HTT: variants seen among roughly 807,000 people sequenced by gnomAD.
HTT encodes the protein huntingtin.
Under a neutral mutation model 362.3 loss-of-function variants are expected in HTT, and 104 were observed. The observed-to-expected ratio is 0.29, with a 90% confidence interval of 0.24 to 0.34. The LOEUF (loss-of-function observed/expected upper bound fraction) is 0.34. Ranked by LOEUF, HTT falls within the 10% of genes least tolerant of loss-of-function variation. HTT has a pLI of 1.00. For missense variants in HTT, 3,301 were observed against 3,928.6 expected, an observed-to-expected ratio of 0.84 and a Z score of 4.27; for synonymous variants, 1,577 against 1,548.7, an observed-to-expected ratio of 1.02 and a Z score of -0.43.
At chr4:3,193,090 A>G (rs1016913505) in intron 40 of HTT, among the ~76,000 whole-genome samples, 9 of 152,230 alleles carry the variant, frequency 5.9e-5, no homozygotes, top group South Asian at 2.1e-4. Context: ...CACCCAAGAG[A>G]GCAGCTGAGA....
intron 21 of HTT, among the ~76,000 whole-genome samples, chr4:3,139,534 C>A (rs1006139760): frequency 6.6e-6 from 1 of 152,220 alleles, no homozygotes; most frequent in African/African-American, 2.4e-5. Context: ...AAATTCTACT[C>A]ATGATCAAGT....
At chr4:3,158,261 G>A (rs1286200341) in intron 28 of HTT, among the ~76,000 whole-genome samples, 1 of 152,230 alleles carries the variant, frequency 6.6e-6, no homozygotes, top group Non-Finnish European at 1.5e-5. Context: ...GGGATTACAG[G>A]TGTGAGCAAC....
intron 39 of HTT, 119 bp from the exon 40 acceptor site, chr4:3,188,832 T>A: frequency 1.0e-6 from 1 of 973,370 alleles, no homozygotes; most frequent in Non-Finnish European, 1.5e-6. Context: ...ACTTTAGCGG[T>A]TAATGTACTC....
chr4:3,113,911 C>T (rs542574278), intron 6 of HTT, among the ~76,000 whole-genome samples: 30 of 152,092 alleles, frequency 2.0e-4, no homozygotes, highest in Middle Eastern at 6.8e-3. Context: ...CCAGCTCAGT[C>T]GGGGAGACCC....
intron 1 of HTT, among the ~76,000 whole-genome samples, chr4:3,078,238 T>A (rs1712668822): frequency 6.6e-6 from 1 of 152,238 alleles, no homozygotes; most frequent in Non-Finnish European, 1.5e-5. Context: ...CATTCATCAG[T>A]AAATATTTAC....
At position 3,173,047 on chromosome 4, in the gene HTT, C is replaced by T. The variant is rs1718065433; in HGVS notation, c.4082C>T (p.Ala1361Val). The T allele has an allele frequency of 3.1e-6, 5 of 1,614,046 alleles. No individual in the cohort carries two copies. The South Asian group carries it at 5.5e-5, about 18-fold the overall frequency. Residue 1361 changes from alanine (A) to valine (V), a missense_variant, in exon 31 of 67, where the codon GCC becomes GTC. Ala to Val is a moderately conservative substitution (Grantham distance 64). This residue lies in a region of HTT where 2,316 missense variants were observed against 2,658.5 expected (regional missense o/e 0.87). Transcript: ENST00000355072. ...RPGLYHYCFM[A>V]PYTHFTQALA... is the part of the protein sequence containing the mutation. The stretch of plus-strand genomic sequence containing the variant: ...GGCTTGTACCACTACTGCTTCATGG[C>T]CCCGTACACCCACTTCACCCAGGCC...
chr4:3,235,914 C>T, intron 63 of HTT, 136 bp downstream of exon 63: 3 of 787,358 alleles, frequency 3.8e-6, no homozygotes, highest in Non-Finnish European at 6.2e-6. Flanking sequence ...GGCCCCATCA[C>T]CTTGCAAGAA....
At chr4:3,081,432 G>T (rs1020617172) in intron 1 of HTT, among the ~76,000 whole-genome samples, 5 of 151,856 alleles carry the variant, frequency 3.3e-5, no homozygotes, top group African/African-American at 1.2e-4. Flanking sequence ...GATTATTTTG[G>T]TCAACCATTT....
intron 29 of HTT, among the ~76,000 whole-genome samples, chr4:3,169,119 C>T (rs1221331743): frequency 4.0e-5 from 6 of 151,450 alleles, no homozygotes; most frequent in East Asian, 3.9e-4. Context: ...CCTGGGTTCA[C>T]GCCATTCTCC....
intron 9 of HTT, among the ~76,000 whole-genome samples, chr4:3,122,009 G>A (rs1307505863): frequency 6.6e-6 from 1 of 152,228 alleles, no homozygotes; most frequent in East Asian, 1.9e-4. Flanking sequence ...AATGAAAACA[G>A]TAGGGAAAAT....
chr4:3,093,895 C>A (rs1362713023), intron 2 of HTT, among the ~76,000 whole-genome samples: 67 of 101,082 alleles, frequency 6.6e-4, no homozygotes, highest in African/African-American at 2.2e-3. Flanking sequence ...TCATTTACCC[C>A]TTTAAGTTGG....
intron 55 of HTT, 61 bp downstream of exon 55, chr4:3,223,621 C>A: frequency 1.4e-6 from 2 of 1,417,100 alleles, no homozygotes; most frequent in South Asian, 1.3e-5. Context: ...GTGGGTTCCC[C>A]GCTGAAGCGT....
intron 26 of HTT, among the ~76,000 whole-genome samples, chr4:3,151,685 G>A (rs1018809848): frequency 6.6e-5 from 10 of 152,168 alleles, no homozygotes; most frequent in African/African-American, 2.2e-4. Flanking sequence ...AGGTGGAACA[G>A]TTTCATCCCG....
intron 2 of HTT, among the ~76,000 whole-genome samples, chr4:3,096,327 T>C (rs1243866596): frequency 1.3e-5 from 2 of 152,192 alleles, no homozygotes; most frequent in East Asian, 3.8e-4. Context: ...GTAGCCATAA[T>C]ATCTGGATCT....
At chr4:3,216,255 C>T (rs781521381) in intron 51 of HTT, among the ~76,000 whole-genome samples, 1 of 152,226 alleles carries the variant, frequency 6.6e-6, no homozygotes, top group Non-Finnish European at 1.5e-5. Flanking sequence ...CAGCCAAGGA[C>T]TTCTCTGAAT....
At chr4:3,122,643 T>C (rs772463717) in intron 9 of HTT, among the ~76,000 whole-genome samples, 12 of 152,234 alleles carry the variant, frequency 7.9e-5, no homozygotes, top group Non-Finnish European at 1.6e-4. Context: ...TAATTTGGCT[T>C]TTACAATGCA....
At chr4:3,175,185 C>T (rs969304992) in intron 33 of HTT, 78 bp downstream of exon 33, 14 of 1,330,302 alleles carry the variant, frequency 1.1e-5, no homozygotes, top group Non-Finnish European at 1.5e-5. Context: ...CTGAAATCTA[C>T]TTTAAAGAAA....
intron 6 of HTT, among the ~76,000 whole-genome samples, chr4:3,109,926 CA>C (rs1343252391): frequency 1.3e-5 from 2 of 152,156 alleles, no homozygotes; most frequent in Non-Finnish European, 2.9e-5. Flanking sequence ...GTGGGGGCTA[CA>C]GTGTTGGCTT....
rs1387360207 is a variant in HTT, at chr4:3,131,068, C to T, written c.1987-218C>T. ...CCTGCATGCTGCATTTATCCCCTGC[C>T]ACAGCCCTGTGACCCTGTGTCCTGC... On this transcript the variant is annotated intron_variant, in intron 14 of 66. Coordinates refer to ENST00000355072, the MANE Select transcript of HTT (RefSeq NM_001388492.1). Among the ~76,000 whole-genome samples, 3 of 152,132 alleles carry T rather than the reference C, an allele frequency of 2.0e-5. No individual in the cohort carries two copies. In the East Asian group the frequency reaches 5.8e-4, roughly 30 times the overall value.
Sources: allele counts gnomAD v4.1 joint callset (sites outside exome capture counted in the v4.1 genomes callset), GRCh38; gene constraint gnomAD v4.1.1; regional missense constraint gnomAD v4.1.1; transcripts MANE v1.5; gene names NCBI Gene and HGNC (gene_info 2026-07-23, HGNC 2026-07-21).